Variants in ACTR3C observed in about 807,000 individuals in gnomAD.
The protein encoded by ACTR3C is actin related protein 3C, also known as actin-related protein 3C.
A neutral mutation model predicts 26.3 loss-of-function variants in ACTR3C; 18 were observed. That is an observed-to-expected ratio of 0.68 (90% CI 0.47 to 1.01). The LOEUF (loss-of-function observed/expected upper bound fraction) is 1.01, where lower values mean the gene tolerates loss of function less well. Ranked by LOEUF, ACTR3C falls within the 50% of genes least tolerant of loss-of-function variation. The pLI, the probability that ACTR3C is intolerant of heterozygous loss-of-function variation, is 0.00. For synonymous variants in ACTR3C, 55 were observed against 94.5 expected (o/e 0.58, Z 2.42); for missense variants, 184 against 250.7 (o/e 0.73, Z 1.80).
At chr7:150,293,690 C>A (rs1836481278) in intron 2 of ACTR3C, among the ~76,000 whole-genome samples, 1 of 152,232 alleles carries the variant, frequency 6.6e-6, no homozygotes, top group African/African-American at 2.4e-5. Context: ...AATCCCAACA[C>A]TTTGGGAGGC....
chr7:150,028,410 A>G, the ACTR3C span, among the ~76,000 whole-genome samples: 1,326 of 151,906 alleles, frequency 8.7e-3, no homozygotes, highest in African/African-American at 0.03. Flanking sequence ...GGGAGATCAA[A>G]CCTCAATGTA....
chr7:150,035,890 T>G, the ACTR3C span, among the ~76,000 whole-genome samples: 1 of 133,212 alleles, frequency 7.5e-6, no homozygotes, highest in East Asian at 2.2e-4. Flanking sequence ...GAAGAGGGGA[T>G]AGCTCTCAGT....
the ACTR3C span, among the ~76,000 whole-genome samples, chr7:149,883,732 C>G: frequency 6.6e-6 from 1 of 152,256 alleles, no homozygotes; most frequent in South Asian, 2.1e-4. Flanking sequence ...ATTCTCCAGA[C>G]AGTACCACAG....
chr7:150,274,263 AG>A lies in ACTR3C; in HGVS notation c.564+10489del, dbSNP rs1421429972. The stretch of plus-strand genomic sequence containing the variant: ...GTGTTTGTTACCAACTGAAGGTTTG[AG>A]GAAACGGCACCAAGCAGGTCTGTCA... On this transcript the variant is annotated intron_variant, in intron 6 of 7. Transcript: ENST00000683684. The surrounding 1 kb of genome is among the most constrained non-coding windows in gnomAD (Gnocchi z 4.1). Among the ~76,000 whole-genome samples, 1 of 152,190 alleles carries A rather than the reference AG, an allele frequency of 6.6e-6. No homozygotes were observed. The highest frequency in any genetic ancestry group is 2.4e-5 in the African/African-American group (1 of 41,434).
At chr7:149,901,158 A>G in the ACTR3C span, among the ~76,000 whole-genome samples, 1 of 148,968 alleles carries the variant, frequency 6.7e-6, no homozygotes, top group Non-Finnish European at 1.5e-5. Flanking sequence ...ATAAAATTAT[A>G]GAGATGAAAA....
At chr7:150,301,290 T>C (rs1795425272) in intron 1 of ACTR3C, among the ~76,000 whole-genome samples, 1 of 152,218 alleles carries the variant, frequency 6.6e-6, no homozygotes, top group African/African-American at 2.4e-5. Context: ...TGAAGATTTC[T>C]GAGTACAGCT....
chr7:150,287,299 G>A (rs1477429264), intron 4 of ACTR3C, among the ~76,000 whole-genome samples: 7 of 152,114 alleles, frequency 4.6e-5, no homozygotes, highest in African/African-American at 1.2e-4. Flanking sequence ...AGGTTATAAA[G>A]TGATAGGTCC....
chr7:150,022,841 G>A, the ACTR3C span, among the ~76,000 whole-genome samples: 1 of 147,996 alleles, frequency 6.8e-6, no homozygotes, highest in Admixed American at 6.9e-5. Flanking sequence ...TCCATGTGGG[G>A]TATAGTCATC....
chr7:150,304,502 A>G (rs1285959698), intron 1 of ACTR3C, among the ~76,000 whole-genome samples: 1 of 152,156 alleles, frequency 6.6e-6, no homozygotes, highest in Non-Finnish European at 1.5e-5. Context: ...ACTGACTCCT[A>G]CATCAACACC....
the ACTR3C span, among the ~76,000 whole-genome samples, chr7:149,882,568 G>A: frequency 6.6e-6 from 1 of 152,174 alleles, no homozygotes; most frequent in Non-Finnish European, 1.5e-5. Flanking sequence ...TCCACTCCCT[G>A]GCACGATCTG....
At chr7:150,181,840 G>A in the ACTR3C span, among the ~76,000 whole-genome samples, 1 of 150,586 alleles carries the variant, frequency 6.6e-6, no homozygotes, top group South Asian at 2.1e-4. Context: ...CTGAAATTGA[G>A]TATAATTGAT....
At chr7:150,023,344 T>G in the ACTR3C span, among the ~76,000 whole-genome samples, 3 of 105,598 alleles carry the variant, frequency 2.8e-5, no homozygotes, top group Non-Finnish European at 3.9e-5. Flanking sequence ...CATACATATA[T>G]ATTTTAGAGA....
chr7:150,063,699 A>G, the ACTR3C span, among the ~76,000 whole-genome samples: 2 of 151,808 alleles, frequency 1.3e-5, no homozygotes, highest in African/African-American at 4.9e-5. Context: ...TTATTCACAA[A>G]TAGATTTCTT....
the ACTR3C span, among the ~76,000 whole-genome samples, chr7:149,883,031 C>T: frequency 1.3e-5 from 2 of 152,198 alleles, no homozygotes; most frequent in Admixed American, 6.5e-5. Context: ...CATGCATGTA[C>T]ATCTCAAAGG....
the ACTR3C span, among the ~76,000 whole-genome samples, chr7:149,923,672 C>T: frequency 5.2e-4 from 79 of 152,290 alleles, no homozygotes; most frequent in African/African-American, 1.8e-3. Flanking sequence ...GTATGCCATT[C>T]TCAGTCCATG....
At chr7:150,029,792 A>G in the ACTR3C span, among the ~76,000 whole-genome samples, 1 of 151,986 alleles carries the variant, frequency 6.6e-6, no homozygotes, top group Admixed American at 6.5e-5. Context: ...TTTGCCCCAC[A>G]TGCACGAGTC....
At chr7:149,898,697 ACT>A in the ACTR3C span, among the ~76,000 whole-genome samples, 1 of 151,850 alleles carries the variant, frequency 6.6e-6, no homozygotes, top group African/African-American at 2.4e-5. Context: ...ACAGAGCAAG[ACT>A]CTGTGTAAAA....
chr7:149,964,813 G>A, the ACTR3C span, among the ~76,000 whole-genome samples: 1 of 151,982 alleles, frequency 6.6e-6, no homozygotes, highest in Non-Finnish European at 1.5e-5. Flanking sequence ...TGAGTTCACT[G>A]GTTTCTGTCT....
chr7:150,180,995 G>A, the ACTR3C span, among the ~76,000 whole-genome samples: 1 of 151,432 alleles, frequency 6.6e-6, no homozygotes, highest in African/African-American at 2.5e-5. Context: ...CTAGTCAGAT[G>A]TCATTAAAAC....
Sources: gnomAD v4.1 joint callset for allele counts (sites outside exome capture counted in the v4.1 genomes callset) on GRCh38, gnomAD v4.1.1 for gene constraint, Gnocchi (gnomAD v3.1) non-coding constraint, MANE v1.5 for transcripts, NCBI Gene and HGNC (gene_info 2026-07-23, HGNC 2026-07-21) for gene names.